The following SH3TC1 variants were observed in gnomAD, a reference collection of about 807,000 sequenced individuals.
The protein encoded by SH3TC1 is SH3 domain and tetratricopeptide repeats 1, also known as SH3 domain and tetratricopeptide repeat-containing protein 1.
SH3TC1 carries 135 observed loss-of-function variants against 117.3 expected under a neutral mutation model. The ratio of observed to expected loss-of-function variants is 1.15; its 90% CI spans 1.00 to 1.33. SH3TC1 has a LOEUF of 1.33. Among genes scored for constraint, SH3TC1 ranks in the 40% most tolerant of loss-of-function variants. The pLI is 0.00. For missense variants in SH3TC1, 2,092 were observed against 1,794.3 expected (o/e 1.17, Z -3.00); for synonymous variants, 898 against 816.9 (o/e 1.10, Z -1.69).
intron 3 of SH3TC1, among the ~76,000 whole-genome samples, chr4:8,212,258 G>A (rs1718811833): frequency 6.6e-6 from 1 of 150,866 alleles, no homozygotes; most frequent in South Asian, 2.1e-4. Flanking sequence ...CCACCTTACA[G>A]TCACCATGGG....
At chr4:8,213,986 G>A (rs1023408401) in intron 4 of SH3TC1, among the ~76,000 whole-genome samples, 1 of 152,094 alleles carries the variant, frequency 6.6e-6, no homozygotes, top group Non-Finnish European at 1.5e-5. Flanking sequence ...AGTCGGAAGA[G>A]TTCCAGTGTT....
At position 8,229,853 on chromosome 4, in the gene SH3TC1, C is replaced by T. The variant is rs373204230; in HGVS notation, c.2950+1209C>T. Among the ~76,000 whole-genome samples the T allele has an allele frequency of 1.3e-4, 20 of 152,212 alleles. No homozygotes were observed. The South Asian group carries it at 2.5e-3, about 19-fold the overall frequency. On this transcript the variant is annotated intron_variant, in intron 12 of 17. Transcript: ENST00000245105. Reference sequence around the variant, plus strand: ...GTGGCACCTCCTACGAGGCCCTCCCCGGGGTGCTGGGGGATTCAGACTTGG... The same window carrying T: ...GTGGCACCTCCTACGAGGCCCTCCCTGGGGTGCTGGGGGATTCAGACTTGG...
At chr4:8,237,409 CG>C (rs920842234) in intron 16 of SH3TC1, 64 bp from the exon 17 acceptor site, 6 of 1,326,342 alleles carry the variant, frequency 4.5e-6, no homozygotes, top group Non-Finnish European at 5.9e-6. Context: ...CAGGTGCTGC[CG>C]GGGTCTGCAT....
In SH3TC1 at chr4:8,232,348, C is replaced by A. The variant is rs1721312809; in HGVS notation, c.3131+192C>A. ...GCTGCTGATGACCCGTGAGTCCCAGCTTGAGCTTCCCTTGTTGGGTGACAC... is the reference window on the plus strand; with the variant it reads ...GCTGCTGATGACCCGTGAGTCCCAGATTGAGCTTCCCTTGTTGGGTGACAC... On this transcript the variant is annotated intron_variant, in intron 13 of 17. Transcript: ENST00000245105. 9 of 1,567,856 alleles carry A rather than the reference C, an allele frequency of 5.7e-6. No homozygotes were observed. In the South Asian group the frequency reaches 9.0e-5, roughly 16 times the overall value.
At position 8,228,216 on chromosome 4, in the gene SH3TC1, G is replaced by T. The variant is rs760968023; in HGVS notation, c.2522G>T (p.Ser841Ile). The change falls in exon 12 of 18, where the codon AGC (serine) becomes ATC (isoleucine). Residue 841 changes from serine (S) to isoleucine (I), a missense_variant. Transcript: ENST00000245105. Reference protein sequence around the residue: ...LAWLHVLHGQSPVALDILQSV... With the variant: ...LAWLHVLHGQIPVALDILQSV... ...TGGCTGCACGTGCTTCATGGGCAGAGCCCGGTGGCCCTGGACATCCTGCAG... is the reference window on the plus strand; with the variant it reads ...TGGCTGCACGTGCTTCATGGGCAGATCCCGGTGGCCCTGGACATCCTGCAG... The T allele has an allele frequency of 2.5e-5, 41 of 1,608,762 alleles. No individual in the cohort carries two copies. Among genetic ancestry groups the T allele is most frequent in the Non-Finnish European group, 3.4e-5 (40 of 1,177,238 alleles).
intron 17 of SH3TC1, 51 bp downstream of exon 17, chr4:8,237,721 G>T: frequency 6.5e-7 from 1 of 1,529,760 alleles, no homozygotes; most frequent in South Asian, 1.3e-5. Context: ...CTTGGAGTGG[G>T]ATCTCCACCC....
At position 8,233,046 on chromosome 4, in the gene SH3TC1, C is replaced by A. The variant is rs182503242; in HGVS notation, c.3132-317C>A. On this transcript the variant is annotated intron_variant, in intron 13 of 17. Coordinates refer to ENST00000245105, the MANE Select transcript of SH3TC1 (RefSeq NM_018986.5). ...TGAGAACCATCGGCCTGGATAGCAT[C>A]TGAACACTGATGGCTCCTGGTGCGT... 3.6e-4 allele frequency: 441 copies of A among 1,233,682 alleles called. 1 individual carries two copies. In the African/African-American group the frequency reaches 6.3e-3, roughly 18 times the overall value. 76.4% of individuals were successfully genotyped at this position (1,233,682 alleles called of 1,614,324 possible).
intron 1 of SH3TC1, among the ~76,000 whole-genome samples, chr4:8,199,673 G>A (rs1341326922): frequency 1.3e-5 from 2 of 152,166 alleles, no homozygotes; most frequent in African/African-American, 2.4e-5. Flanking sequence ...TTGCTTCTGG[G>A]ACCTGGCCTG....
intron 10 of SH3TC1, among the ~76,000 whole-genome samples, chr4:8,224,178 CT>C (rs1262615457): frequency 2.0e-5 from 3 of 152,206 alleles, no homozygotes; most frequent in Non-Finnish European, 2.9e-5. Flanking sequence ...CATGCACCCC[CT>C]CACACACATA....
rs189576800 is a variant in SH3TC1, at chr4:8,205,023, G to T, written c.-28-144G>T. 15 of 576,004 alleles carry T rather than the reference G, an allele frequency of 2.6e-5. No individual in the cohort carries two copies. The highest frequency in any genetic ancestry group is 3.1e-5 in the Non-Finnish European group (11 of 349,994). The allele number at this position is 576,004 out of a possible 1,614,324, so 35.7% of individuals were successfully genotyped here. A position where few individuals can be genotyped will look rare whatever the true frequency, so the allele number is the denominator to read the frequency against. On this transcript the variant is annotated intron_variant, in intron 1 of 17. Coordinates refer to ENST00000245105, the MANE Select transcript of SH3TC1 (RefSeq NM_018986.5). This position sits in a 1 kb window ranked among gnomAD's most constrained non-coding sequence, Gnocchi z 5.4. ...TCACGCCCACCACAACACGGTGCACGGTGCGGTGAGGGGCTCGCTGGATCT... is the reference window on the plus strand; with the variant it reads ...TCACGCCCACCACAACACGGTGCACTGTGCGGTGAGGGGCTCGCTGGATCT...
intron 1 of SH3TC1, among the ~76,000 whole-genome samples, chr4:8,182,897 G>T (rs1717116825): frequency 6.6e-6 from 1 of 152,208 alleles, no homozygotes; most frequent in African/African-American, 2.4e-5. Context: ...CATGGGGCCA[G>T]GGTTCCCACC....
chr4:8,225,262 C>A lies in SH3TC1; in HGVS notation c.1285+46C>A. The A allele has an allele frequency of 6.3e-7, 1 of 1,594,060 alleles. No homozygotes were observed. Among genetic ancestry groups the A allele is most frequent in the Non-Finnish European group, 8.6e-7 (1 of 1,168,686 alleles). ...AGGCTTCCTCTGGTTATGAGCTGGG[C>A]CTTGGGGTAACGCTGGGGGAGGTGA... On this transcript the variant is annotated intron_variant, in intron 11 of 17. Transcript: ENST00000245105. The surrounding 1 kb of genome is among the most constrained non-coding windows in gnomAD (Gnocchi z 5.5).
At position 8,225,206 on chromosome 4, in the gene SH3TC1, G is replaced by T. The variant is rs376981247; in HGVS notation, c.1275G>T (p.Pro425=). The change falls in exon 11 of 18, where the codon CCG becomes CCT. Residue 425 remains proline, a synonymous_variant. Transcript: ENST00000245105. The surrounding 1 kb of genome is among the most constrained non-coding windows in gnomAD (Gnocchi z 5.5). ...DSVEEAETEQ[P]QEKEIPPPCL... is the part of the protein sequence containing the mutation. Reference sequence around the variant, plus strand: ...TAGAGGAAGCTGAGACCGAGCAGCCGCAGGAAAAAGGTGGGTTTTGCCAGT... The same window carrying T: ...TAGAGGAAGCTGAGACCGAGCAGCCTCAGGAAAAAGGTGGGTTTTGCCAGT... 34 of 1,613,640 alleles carry T rather than the reference G, an allele frequency of 2.1e-5. No individual in the cohort carries two copies. In the African/African-American group the frequency reaches 4.3e-4, roughly 20 times the overall value.
At chr4:8,220,139 G>C (rs185613383) in intron 9 of SH3TC1, among the ~76,000 whole-genome samples, 49 of 152,294 alleles carry the variant, frequency 3.2e-4, no homozygotes, top group African/African-American at 1.1e-3. Flanking sequence ...CTCCAAGAAA[G>C]CTTACCTTCT....
rs573039420 is a variant in SH3TC1 at position 8,206,882 on chromosome 4, T to A, written c.172+1516T>A. Among the ~76,000 whole-genome samples, 28 of 151,676 alleles carry A rather than the reference T, an allele frequency of 1.8e-4. No homozygotes were observed. Among genetic ancestry groups the A allele is most frequent in the African/African-American group, 6.8e-4 (28 of 41,324 alleles). Reference sequence around the variant, plus strand: ...GTGTGTGTGTGTGATTTTCTTCTGATCCTTTTGGGAGTAAATTGCAGACAT... The same window carrying A: ...GTGTGTGTGTGTGATTTTCTTCTGAACCTTTTGGGAGTAAATTGCAGACAT... On this transcript the variant is annotated intron_variant, in intron 2 of 17. Coordinates refer to ENST00000245105, the MANE Select transcript of SH3TC1 (RefSeq NM_018986.5). This position sits in a 1 kb window ranked among gnomAD's most constrained non-coding sequence, Gnocchi z 5.5.
rs144775906 is a variant in SH3TC1, at chr4:8,222,924, G to T, written c.1197G>T (p.Leu399Phe). The change falls in exon 10 of 18, where the codon TTG becomes TTT. Residue 399 changes from leucine to phenylalanine, a missense_variant. Transcript: ENST00000245105. ...TTTCTGAGGAGGATGCCAGGCAGTTGCTGAGGCGGATGTCGGGCACCGATG... is the reference window on the plus strand; with the variant it reads ...TTTCTGAGGAGGATGCCAGGCAGTTTCTGAGGCGGATGTCGGGCACCGATG... ...GCFSEEDARQ[L>F]LRRMSGTDVC... 1,834 of 1,613,254 alleles carry T rather than the reference G, an allele frequency of 1.1e-3. 2 individuals are homozygous for T. Among genetic ancestry groups the T allele is most frequent in the Non-Finnish European group, 1.4e-3 (1,694 of 1,179,848 alleles).
chr4:8,238,619 G>A (rs1426463301), intron 17 of SH3TC1, among the ~76,000 whole-genome samples: 1 of 151,948 alleles, frequency 6.6e-6, no homozygotes, highest in Non-Finnish European at 1.5e-5. Context: ...CCCCCGCCCG[G>A]TGCTGGGGAC....
At chr4:8,195,111 A>T (rs1283734015), upstream of SH3TC1, among the ~76,000 whole-genome samples, 1 of 152,214 alleles carries the variant, frequency 6.6e-6, no homozygotes, top group African/African-American at 2.4e-5. Flanking sequence ...ACCAGCAGGC[A>T]TCAGGAGACA....
chr4:8,184,887 TCG>T lies in SH3TC1; in HGVS notation c.-57+2678_-57+2679del, dbSNP rs1476227657. Among the ~76,000 whole-genome samples, 65 of 35,558 alleles carry T rather than the reference TCG, an allele frequency of 1.8e-3. 1 individual carries two copies. In the South Asian group the frequency reaches 0.1, roughly 57 times the overall value. 23.3% of individuals were successfully genotyped at this position (35,558 alleles called of 152,430 possible). A position where few individuals can be genotyped will look rare whatever the true frequency, so the allele number is the denominator to read the frequency against. ...TTCTTTTGTCAATCTCATGAGATTG[TCG>T]TATACATTTGTGATACAGTTAATTG... On this transcript the variant is annotated intron_variant, in intron 1 of 16. Transcript: ENST00000508641.
Sources: allele counts gnomAD v4.1 joint callset (sites outside exome capture counted in the v4.1 genomes callset), GRCh38; gene constraint gnomAD v4.1.1; non-coding constraint Gnocchi (gnomAD v3.1); transcripts MANE v1.5; gene names NCBI Gene and HGNC (gene_info 2026-07-23, HGNC 2026-07-21).